Variants in MAGI2 observed in about 807,000 individuals in gnomAD.
MAGI2 encodes the protein membrane associated guanylate kinase, WW and PDZ domain containing 2, also known as membrane-associated guanylate kinase, WW and PDZ domain-containing protein 2.
In MAGI2, 35 loss-of-function variants were observed where a neutral mutation model predicts 133.3. The ratio of observed to expected loss-of-function variants is 0.26; its 90% confidence interval spans 0.20 to 0.35. MAGI2 has a LOEUF of 0.35. MAGI2 is among the 10% of genes least tolerant of loss of function. The pLI is 1.00. For missense variants in MAGI2, 1,636 were observed against 1,863.4 expected, an observed-to-expected ratio of 0.88 and a Z score of 2.25; for synonymous variants, 729 against 710.6, an observed-to-expected ratio of 1.03 and a Z score of -0.41.
chr7:78,404,733 C>A (rs1016876743), intron 6 of MAGI2, among the ~76,000 whole-genome samples: 2 of 152,116 alleles, frequency 1.3e-5, no homozygotes, highest in Non-Finnish European at 2.9e-5. Flanking sequence ...AATACCTAGG[C>A]AATACCATTC....
intron 1 of MAGI2, among the ~76,000 whole-genome samples, chr7:79,024,844 A>T (rs199708806): frequency 3.8e-5 from 1 of 26,374 alleles, no homozygotes; most frequent in Non-Finnish European, 1.0e-4. Flanking sequence ...TTAAAAAGTT[A>T]AAAAAAAAAC....
chr7:78,412,912 T>A (rs955088996), intron 6 of MAGI2, among the ~76,000 whole-genome samples: 12 of 152,086 alleles, frequency 7.9e-5, no homozygotes, highest in Admixed American at 3.3e-4. Flanking sequence ...TATAAACATA[T>A]GAATGCTTCC....
intron 7 of MAGI2, among the ~76,000 whole-genome samples, chr7:78,353,839 T>A (rs1030528203): frequency 5.3e-5 from 8 of 152,136 alleles, no homozygotes; most frequent in Admixed American, 3.3e-4. Context: ...GCAAGAGGCG[T>A]AGGGGAGCGG....
At chr7:79,082,730 A>G (rs559798965) in intron 1 of MAGI2, among the ~76,000 whole-genome samples, 234 of 152,110 alleles carry the variant, frequency 1.5e-3, no homozygotes, top group African/African-American at 5.5e-3. Flanking sequence ...AGTTTTTACA[A>G]TTCTGCATAA....
intron 1 of MAGI2, among the ~76,000 whole-genome samples, chr7:79,327,233 C>A (rs1195029868): frequency 6.6e-6 from 1 of 152,036 alleles, no homozygotes; most frequent in Non-Finnish European, 1.5e-5. Context: ...CAGCTCCTGG[C>A]CATAGGGTAA....
chr7:78,734,183 C>G (rs992173441), intron 2 of MAGI2, among the ~76,000 whole-genome samples: 3 of 152,326 alleles, frequency 2.0e-5, no homozygotes, highest in East Asian at 1.9e-4. Flanking sequence ...CTCTATTTCT[C>G]TCAATACAGG....
intron 6 of MAGI2, among the ~76,000 whole-genome samples, chr7:78,436,989 A>T (rs1800353430): frequency 6.6e-6 from 1 of 152,178 alleles, no homozygotes; most frequent in South Asian, 2.1e-4. Context: ...TCTAAGGCTG[A>T]TCTATACCAA....
At chr7:78,223,610 T>C (rs1316393282) in intron 10 of MAGI2, among the ~76,000 whole-genome samples, 1 of 152,114 alleles carries the variant, frequency 6.6e-6, no homozygotes, top group Non-Finnish European at 1.5e-5. Context: ...TACTAAATAA[T>C]CAAAAATAAC....
chr7:79,185,555 T>A (rs1827010466), intron 1 of MAGI2, among the ~76,000 whole-genome samples: 1 of 150,774 alleles, frequency 6.6e-6, no homozygotes, highest in Non-Finnish European at 1.5e-5. Flanking sequence ...GGCATGTCTA[T>A]TACATAGCAG....
rs143336577 is a variant in MAGI2, at chr7:79,321,858, G to T, written c.301+131162C>A. Among the ~76,000 whole-genome samples, 239 of 152,258 alleles carry T rather than the reference G, an allele frequency of 1.6e-3. 1 individual carries two copies. The highest frequency in any genetic ancestry group is 3.3e-3 in the South Asian group (16 of 4,822). On this transcript the variant is annotated intron_variant, in intron 1 of 21. Transcript: ENST00000354212. ...TTTCTCATTTAAGTTACTATTGTTGGAAATAGTGTGCCCAATTATCAGTGG... is the reference window on the plus strand; with the variant it reads ...TTTCTCATTTAAGTTACTATTGTTGTAAATAGTGTGCCCAATTATCAGTGG...
At chr7:79,182,335 A>G (rs1161253227) in intron 1 of MAGI2, among the ~76,000 whole-genome samples, 1 of 151,998 alleles carries the variant, frequency 6.6e-6, no homozygotes, top group Non-Finnish European at 1.5e-5. Context: ...AGCAAGTCAC[A>G]TCTTATGTGG....
At chr7:78,664,301 T>C (rs1813300941) in intron 2 of MAGI2, among the ~76,000 whole-genome samples, 1 of 152,230 alleles carries the variant, frequency 6.6e-6, no homozygotes, top group African/African-American at 2.4e-5. Flanking sequence ...CATTTAATTT[T>C]ATTTTATGAA....
rs537952695 is a variant in MAGI2 at position 78,061,699 on chromosome 7, G to A, written c.3706+17248C>T. On this transcript the variant is annotated intron_variant, in intron 21 of 21. Transcript: ENST00000354212. Reference sequence around the variant, plus strand: ...CAAGAGTCCTCTGCACAGTGGGACAGGTGGAACCATGAGAGCAAGAGAGAT... The same window carrying A: ...CAAGAGTCCTCTGCACAGTGGGACAAGTGGAACCATGAGAGCAAGAGAGAT... Among the ~76,000 whole-genome samples, 5 of 152,312 alleles carry A rather than the reference G, an allele frequency of 3.3e-5. No homozygotes were observed. In the South Asian group the frequency reaches 1.0e-3, roughly 32 times the overall value.
intron 3 of MAGI2, among the ~76,000 whole-genome samples, chr7:78,549,968 G>C (rs571742290): frequency 6.6e-6 from 1 of 152,258 alleles, no homozygotes; most frequent in South Asian, 2.1e-4. Context: ...AGGCCTTTGG[G>C]AAATGATTGG....
intron 2 of MAGI2, among the ~76,000 whole-genome samples, chr7:78,997,714 A>T (rs1806452995): frequency 6.6e-6 from 1 of 151,628 alleles, no homozygotes; most frequent in Non-Finnish European, 1.5e-5. Flanking sequence ...AAATCTGTTG[A>T]TTCTCCTAAA....
intron 9 of MAGI2, among the ~76,000 whole-genome samples, chr7:78,298,226 A>G (rs1413663139): frequency 6.6e-6 from 1 of 152,194 alleles, no homozygotes; most frequent in Admixed American, 6.5e-5. Flanking sequence ...ATCAAAAACA[A>G]GAAAAGTCTA....
intron 3 of MAGI2, among the ~76,000 whole-genome samples, chr7:78,559,577 C>T (rs534893394): frequency 4.6e-5 from 7 of 152,164 alleles, no homozygotes; most frequent in Non-Finnish European, 8.8e-5. Context: ...TGCCGATGCT[C>T]GTGAGTATTA....
chr7:78,403,784 T>A (rs1218855299), intron 6 of MAGI2, among the ~76,000 whole-genome samples: 3 of 152,220 alleles, frequency 2.0e-5, no homozygotes, highest in Non-Finnish European at 4.4e-5. Context: ...GTCTGTTGGC[T>A]ACATAAATGT....
chr7:79,136,378 C>T (rs532105530), intron 1 of MAGI2, among the ~76,000 whole-genome samples: 45 of 152,244 alleles, frequency 3.0e-4, no homozygotes, highest in African/African-American at 1.1e-3. Flanking sequence ...ATAATTTTGC[C>T]TTGGTTATGA....
Sources: gnomAD v4.1 joint callset for allele counts (sites outside exome capture counted in the v4.1 genomes callset) on GRCh38, gnomAD v4.1.1 for gene constraint, MANE v1.5 for transcripts, NCBI Gene and HGNC (gene_info 2026-07-23, HGNC 2026-07-21) for gene names.